Variants in ADGRV1 observed in about 807,000 individuals in gnomAD.
ADGRV1 encodes adhesion G protein-coupled receptor V1, also known as G-protein coupled receptor 98.
A neutral mutation model predicts 596.2 loss-of-function variants in ADGRV1; 359 were observed. That is an observed-to-expected ratio of 0.60 (90% confidence interval 0.55 to 0.66). ADGRV1 has a LOEUF of 0.66. Among genes scored for constraint, ADGRV1 ranks in the 30% least tolerant of loss-of-function variants. ADGRV1 has a pLI of 0.00. For synonymous variants in ADGRV1, 2,681 were observed against 2,679.2 expected (o/e 1.00, Z -0.02); for missense variants, 7,274 against 7,575.6 (o/e 0.96, Z 1.48).
intron 1 of ADGRV1, among the ~76,000 whole-genome samples, chr5:90,590,450 TC>T (rs1165267386): frequency 6.6e-6 from 1 of 152,192 alleles, no homozygotes; most frequent in African/African-American, 2.4e-5. Flanking sequence ...ATATAGCCAT[TC>T]CATGTGGCTA....
chr5:90,666,284 G>C (rs1430286235), intron 21 of ADGRV1, among the ~76,000 whole-genome samples: 1 of 152,124 alleles, frequency 6.6e-6, no homozygotes, highest in Non-Finnish European at 1.5e-5. Context: ...CTTGCTTTTT[G>C]AATGTGGGTG....
intron 43 of ADGRV1, 64 bp from the exon 44 acceptor site, chr5:90,719,984 T>C: frequency 7.9e-7 from 1 of 1,260,826 alleles, no homozygotes; most frequent in Non-Finnish European, 1.1e-6. Context: ...TCAGTAGATT[T>C]CGCTATATAT....
At chr5:90,722,664 G>A (rs1751215712) in intron 45 of ADGRV1, among the ~76,000 whole-genome samples, 2 of 128,606 alleles carry the variant, frequency 1.6e-5, no homozygotes, top group Non-Finnish European at 3.1e-5. Context: ...GCCGTGAGCC[G>A]AGATCGCACC....
chr5:90,621,208 A>AAT (rs1442274715), intron 4 of ADGRV1, among the ~76,000 whole-genome samples: 2 of 152,222 alleles, frequency 1.3e-5, no homozygotes, highest in African/African-American at 4.8e-5. Flanking sequence ...AATTATAATT[A>AAT]ATAAAACACG....
At chr5:90,690,473 G>A (rs1746320788) in intron 30 of ADGRV1, among the ~76,000 whole-genome samples, 1 of 152,138 alleles carries the variant, frequency 6.6e-6, no homozygotes, top group South Asian at 2.1e-4. Flanking sequence ...CATCAGTCAT[G>A]GGAACCAAAT....
At position 90,559,054 on chromosome 5, in the gene ADGRV1, G is replaced by A. The variant is rs1754450744; in HGVS notation, c.22+137G>A. 1.1e-5 allele frequency: 7 copies of A among 657,830 alleles called. 1 individual carries two copies. The East Asian group carries it at 2.4e-4, about 22-fold the overall frequency. The allele number at this position is 657,830 out of a possible 1,614,324, so 40.7% of individuals were successfully genotyped here. A position where few individuals can be genotyped will look rare whatever the true frequency, so the allele number is the denominator to read the frequency against. On this transcript the variant is annotated intron_variant, in intron 1 of 89. Coordinates refer to ENST00000405460, the MANE Select transcript of ADGRV1 (RefSeq NM_032119.4). ...CCACAGCCGGGCCCAGGGAGGCTGG[G>A]CGCGCACCCGGCGCCGCGGCCTGCG...
At chr5:90,905,916 T>G (rs985499286) in intron 83 of ADGRV1, among the ~76,000 whole-genome samples, 4 of 152,060 alleles carry the variant, frequency 2.6e-5, no homozygotes, top group African/African-American at 9.7e-5. Flanking sequence ...CTACATCCAG[T>G]TTTTTGAGAG....
At chr5:90,856,093 A>G (rs571638451) in intron 82 of ADGRV1, among the ~76,000 whole-genome samples, 192 bp downstream of exon 82, 2 of 152,310 alleles carry the variant, frequency 1.3e-5, no homozygotes, top group East Asian at 3.9e-4. Context: ...CTCTGTACTG[A>G]GGATACAGTA....
chr5:90,654,335 C>T (rs966923528), intron 20 of ADGRV1: 2 of 232,188 alleles, frequency 8.6e-6, no homozygotes, highest in South Asian at 5.9e-5. Flanking sequence ...TGTGAAACAG[C>T]GTGTTGCACC....
intron 50 of ADGRV1, among the ~76,000 whole-genome samples, chr5:90,742,371 G>C (rs997865640): frequency 4.6e-5 from 7 of 152,264 alleles, no homozygotes; most frequent in Admixed American, 4.6e-4. Context: ...GTTGATGATG[G>C]ATCAGCTCTA....
intron 21 of ADGRV1, among the ~76,000 whole-genome samples, chr5:90,665,129 A>C (rs1771089958): frequency 6.7e-6 from 1 of 149,902 alleles, no homozygotes; most frequent in South Asian, 2.1e-4. Context: ...TGGCCTCATA[A>C]AATGAGTTAG....
At chr5:90,741,989 A>AT in intron 50 of ADGRV1, among the ~76,000 whole-genome samples, 1 of 152,324 alleles carries the variant, frequency 6.6e-6, no homozygotes, top group South Asian at 2.1e-4. Context: ...AGAAGAATGA[A>AT]TATGACAAAG....
At chr5:90,571,016 A>G (rs1056794317) in intron 1 of ADGRV1, among the ~76,000 whole-genome samples, 1 of 151,962 alleles carries the variant, frequency 6.6e-6, no homozygotes, top group African/African-American at 2.4e-5. Flanking sequence ...TTCTTTTTTA[A>G]GAAACTGTAT....
At chr5:90,644,678 A>G (rs781462902) in intron 14 of ADGRV1, 28 bp from the exon 15 acceptor site, 14 of 1,565,504 alleles carry the variant, frequency 8.9e-6, no homozygotes, top group African/African-American at 1.4e-5. Flanking sequence ...ATGTCTTCAT[A>G]TGTATTATGT....
intron 83 of ADGRV1, among the ~76,000 whole-genome samples, chr5:90,942,241 T>C (rs73185149): frequency 0.12 from 18,485 of 152,240 alleles, 1,131 homozygotes; most frequent in East Asian, 0.18. Flanking sequence ...AAGAAACTTA[T>C]GTACTGGACA....
chr5:90,572,561 A>G (rs1325699237), intron 1 of ADGRV1, among the ~76,000 whole-genome samples: 1 of 152,206 alleles, frequency 6.6e-6, no homozygotes, highest in Non-Finnish European at 1.5e-5. Flanking sequence ...GACAAGGCCA[A>G]CAAAAACAAG....
rs371718895 is a variant in ADGRV1 at position 90,799,266 on chromosome 5, A to T, written c.14518-3473A>T. Among the ~76,000 whole-genome samples the T allele has an allele frequency of 1.6e-4, 24 of 152,324 alleles. No individual in the cohort carries two copies. The East Asian group carries it at 2.7e-3, about 17-fold the overall frequency. On this transcript the variant is annotated intron_variant, in intron 70 of 89. Coordinates refer to ENST00000405460, the MANE Select transcript of ADGRV1 (RefSeq NM_032119.4). ...AAATCAATGTACAAAAATCACAAGT[A>T]TTCTTATACACCAATAACAAACAAA...
chr5:90,708,437 CTT>C (rs34939014), intron 38 of ADGRV1, among the ~76,000 whole-genome samples: 1 of 144,140 alleles, frequency 6.9e-6, no homozygotes, highest in African/African-American at 2.5e-5. Flanking sequence ...ACTGCAGAGC[CTT>C]TTTTTTTTTC....
chr5:90,791,331 G>A lies in ADGRV1; in HGVS notation c.14502G>A (p.Val4834=), dbSNP rs748424717. The A allele has an allele frequency of 2.6e-6, 4 of 1,562,062 alleles. No homozygotes were observed. In the African/African-American group the frequency reaches 4.1e-5, roughly 16 times the overall value. Reference sequence around the variant, plus strand: ...GTGCCACATATAAAGTGGACGTGGTGCCAATAAAGAATCAGGTTTGTGGCA... The same window carrying A: ...GTGCCACATATAAAGTGGACGTGGTACCAATAAAGAATCAGGTTTGTGGCA... ...KDGATYKVDV[V]PIKNQVFLSL... Residue 4834 remains valine, a synonymous_variant, in exon 70 of 90, where the codon GTG becomes GTA. Transcript: ENST00000405460.
Sources: allele counts gnomAD v4.1 joint callset (sites outside exome capture counted in the v4.1 genomes callset), GRCh38; gene constraint gnomAD v4.1.1; transcripts MANE v1.5; gene names NCBI Gene and HGNC (gene_info 2026-07-23, HGNC 2026-07-21).